The following ALCAM variants were observed in gnomAD, a reference collection of about 807,000 sequenced individuals.
ALCAM encodes activated leukocyte cell adhesion molecule.
A neutral mutation model predicts 70.9 loss-of-function variants in ALCAM; 30 were observed. The ratio of observed to expected loss-of-function variants is 0.42; its 90% CI spans 0.32 to 0.57. The LOEUF is 0.57. Among genes scored for constraint, ALCAM ranks in the 20% least tolerant of loss-of-function variants. ALCAM has a pLI of 0.11. For synonymous variants in ALCAM, 249 were observed against 242.5 expected (o/e 1.03, Z -0.25); for missense variants, 591 against 695.1 (o/e 0.85, Z 1.68).
chr3:105,371,840 GTC>G (rs1935242631), intron 1 of ALCAM, among the ~76,000 whole-genome samples: 2 of 152,100 alleles, frequency 1.3e-5, no homozygotes, highest in Non-Finnish European at 2.9e-5. Context: ...AGAAGAATAT[GTC>G]TCTGTCTCAA....
At chr3:105,553,040 A>G in intron 14 of ALCAM, 2 of 999,234 alleles carry the variant, frequency 2.0e-6, no homozygotes, top group Middle Eastern at 5.2e-4. Context: ...TATTACTCCC[A>G]TATTCTAGTT....
At chr3:105,531,084 C>A (rs906515964) in intron 3 of ALCAM, among the ~76,000 whole-genome samples, 1 of 152,010 alleles carries the variant, frequency 6.6e-6, no homozygotes, top group Non-Finnish European at 1.5e-5. Flanking sequence ...ATGAGACTCA[C>A]AAACATCAGT....
chr3:105,563,967 GT>G (rs1553684489), intron 14 of ALCAM, among the ~76,000 whole-genome samples: 1 of 151,926 alleles, frequency 6.6e-6, no homozygotes, highest in Non-Finnish European at 1.5e-5. Context: ...GACTACAGGC[GT>G]GAGCCACCGC....
intron 4 of ALCAM, among the ~76,000 whole-genome samples, chr3:105,532,578 C>T (rs1043372290): frequency 2.6e-5 from 4 of 151,994 alleles, no homozygotes; most frequent in African/African-American, 9.7e-5. Context: ...CATTGCATTC[C>T]ATTGTGGACG....
chr3:105,414,618 A>G (rs1936464775), intron 1 of ALCAM, among the ~76,000 whole-genome samples: 1 of 152,132 alleles, frequency 6.6e-6, no homozygotes, highest in Non-Finnish European at 1.5e-5. Context: ...GAGAAAGCTC[A>G]GAGCATGTTC....
intron 1 of ALCAM, among the ~76,000 whole-genome samples, chr3:105,382,999 A>C (rs1395470244): frequency 6.6e-6 from 1 of 151,738 alleles, no homozygotes; most frequent in Admixed American, 6.6e-5. Context: ...TGTGCTAGCC[A>C]TATTTCTAAA....
intron 1 of ALCAM, among the ~76,000 whole-genome samples, chr3:105,414,163 C>G (rs1559783663): frequency 6.6e-6 from 1 of 151,546 alleles, no homozygotes; most frequent in Non-Finnish European, 1.5e-5. Flanking sequence ...CTTTGGGAGG[C>G]TGAGGCTGGC....
intron 14 of ALCAM, among the ~76,000 whole-genome samples, chr3:105,555,685 G>C (rs1410065507): frequency 6.6e-6 from 1 of 151,952 alleles, no homozygotes; most frequent in East Asian, 1.9e-4. Context: ...AATATACCTA[G>C]TGGCTATTTA....
chr3:105,518,692 C>T (rs1030442986), intron 1 of ALCAM, among the ~76,000 whole-genome samples: 2 of 151,966 alleles, frequency 1.3e-5, no homozygotes, highest in Non-Finnish European at 2.9e-5. Context: ...TATTATGAGA[C>T]TGAACATATG....
At chr3:105,536,463 C>A (rs1258574091) in intron 6 of ALCAM, among the ~76,000 whole-genome samples, 1 of 152,062 alleles carries the variant, frequency 6.6e-6, no homozygotes, top group East Asian at 1.9e-4. Context: ...GTGTACAACA[C>A]AGGAGAGAAC....
chr3:105,481,196 G>C (rs918881223), intron 1 of ALCAM, among the ~76,000 whole-genome samples: 1 of 151,908 alleles, frequency 6.6e-6, no homozygotes, highest in Admixed American at 6.6e-5. Flanking sequence ...TTGCTTAATG[G>C]GGCTAATAAA....
chr3:105,560,168 A>G (rs1001289369), intron 14 of ALCAM, among the ~76,000 whole-genome samples: 2 of 152,180 alleles, frequency 1.3e-5, no homozygotes, highest in African/African-American at 4.8e-5. Context: ...CCAGTCGCAT[A>G]TGAGAGTTTT....
chr3:105,479,454 A>C (rs1336029005), intron 1 of ALCAM, among the ~76,000 whole-genome samples: 1 of 152,196 alleles, frequency 6.6e-6, no homozygotes, highest in Non-Finnish European at 1.5e-5. Context: ...ATCATACATA[A>C]AATACAATAT....
intron 8 of ALCAM, among the ~76,000 whole-genome samples, chr3:105,543,559 G>A (rs959132020): frequency 1.3e-5 from 2 of 151,548 alleles, no homozygotes; most frequent in African/African-American, 4.8e-5. Context: ...AGGAAGTGTG[G>A]GTAGAGAAGC....
chr3:105,507,786 A>C (rs1025795147), intron 1 of ALCAM, among the ~76,000 whole-genome samples: 1 of 152,180 alleles, frequency 6.6e-6, no homozygotes, highest in African/African-American at 2.4e-5. Context: ...TAATTGTGAA[A>C]AGTGTTTTTG....
intron 14 of ALCAM, among the ~76,000 whole-genome samples, chr3:105,560,464 C>T (rs979875937): frequency 4.6e-5 from 7 of 152,172 alleles, no homozygotes; most frequent in African/African-American, 1.4e-4. Flanking sequence ...TATATTTGAA[C>T]ATTTTTTCCC....
chr3:105,540,437 T>A (rs559962552), intron 7 of ALCAM, among the ~76,000 whole-genome samples: 1 of 152,188 alleles, frequency 6.6e-6, no homozygotes, highest in South Asian at 2.1e-4. Context: ...TGAACTGATG[T>A]GGATTCTAAA....
At position 105,501,757 on chromosome 3, in the gene ALCAM, T is replaced by C. The variant is rs1451514560; in HGVS notation, c.74-18310T>C. 2.0e-5 allele frequency among the ~76,000 whole-genome samples: 3 copies of C among 152,236 alleles called. No homozygotes were observed. The East Asian group carries it at 5.8e-4, about 29-fold the overall frequency. ...TATGCCTGAATCAGAATTTCCTGCA[T>C]GCAGCATGGCTTCTAAGCTCACAAG... On this transcript the variant is annotated intron_variant, in intron 1 of 15. Transcript: ENST00000306107.
At chr3:105,537,677 A>G (rs1940006528) in intron 6 of ALCAM, among the ~76,000 whole-genome samples, 2 of 152,164 alleles carry the variant, frequency 1.3e-5, no homozygotes, top group African/African-American at 4.8e-5. Flanking sequence ...CTCCAGGGTC[A>G]GTTCCTCCAG....
Sources: allele counts gnomAD v4.1 joint callset (sites outside exome capture counted in the v4.1 genomes callset), GRCh38; gene constraint gnomAD v4.1.1; transcripts MANE v1.5; gene names NCBI Gene and HGNC (gene_info 2026-07-23, HGNC 2026-07-21).